CSGALNACT1: variants seen among roughly 807,000 people sequenced by gnomAD.
CSGALNACT1 encodes the protein beta4GalNAcT-1.
CSGALNACT1 carries 52 observed loss-of-function variants against 51.0 expected under a neutral mutation model. The observed-to-expected ratio is 1.02, with a 90% CI of 0.82 to 1.29. CSGALNACT1 has a LOEUF of 1.29. CSGALNACT1 is among the 50% of genes most tolerant of loss of function. The probability of loss-of-function intolerance (pLI) is 0.00; values close to 1 mark genes in which losing one functional copy is unlikely to be tolerated. For missense variants in CSGALNACT1, 935 were observed against 679.2 expected (o/e 1.38, Z -4.19); for synonymous variants, 341 against 254.4 (o/e 1.34, Z -3.24).
chr8:19,657,064 T>C (rs1444582632), intron 1 of CSGALNACT1, among the ~76,000 whole-genome samples: 2 of 93,834 alleles, frequency 2.1e-5, no homozygotes, highest in Admixed American at 1.1e-4. Context: ...CTCCATCTCA[T>C]TAAAAAAAAA....
chr8:19,700,267 G>A (rs976533353), intron 1 of CSGALNACT1, among the ~76,000 whole-genome samples: 13 of 151,836 alleles, frequency 8.6e-5, no homozygotes, highest in African/African-American at 3.1e-4. Context: ...CCTATTTCCG[G>A]GTGTGTGATC....
upstream of CSGALNACT1, among the ~76,000 whole-genome samples, chr8:19,686,123 C>T (rs577186126): frequency 5.3e-5 from 8 of 152,218 alleles, no homozygotes; most frequent in East Asian, 5.8e-4. Flanking sequence ...CAACCTTGGC[C>T]GATGGAAATG....
chr8:19,698,973 T>G (rs541262853), intron 1 of CSGALNACT1, among the ~76,000 whole-genome samples: 6 of 152,358 alleles, frequency 3.9e-5, no homozygotes, highest in Non-Finnish European at 8.8e-5. Flanking sequence ...ATCTCTAGAT[T>G]ACTCATAATA....
chr8:19,650,819 T>A (rs1332261787), intron 1 of CSGALNACT1, among the ~76,000 whole-genome samples: 1 of 152,208 alleles, frequency 6.6e-6, no homozygotes, highest in Non-Finnish European at 1.5e-5. Context: ...AGTCTTGGCT[T>A]CTTAGAAAAG....
intron 1 of CSGALNACT1, among the ~76,000 whole-genome samples, chr8:19,676,802 C>T (rs370480576): frequency 1.3e-5 from 2 of 152,294 alleles, no homozygotes; most frequent in South Asian, 2.1e-4. Flanking sequence ...TTGGAAGGAT[C>T]TTTCAGGAAG....
Position 19,566,065 on chromosome 8 carries a change from A to C in CSGALNACT1, c.-297+25095T>G, listed in dbSNP as rs61184726. Among the ~76,000 whole-genome samples, 389 of 152,374 alleles carry C rather than the reference A, an allele frequency of 2.6e-3. 2 individuals are homozygous for C. The highest frequency in any genetic ancestry group is 8.8e-3 in the African/African-American group (364 of 41,594). On this transcript the variant is annotated intron_variant, in intron 3 of 9. Coordinates refer to ENST00000454498, the Ensembl canonical transcript of CSGALNACT1. ...CTCGAAAAAGATGTATCTGTCTCCT[A>C]ATCCATAAAACCTTTTGTCTTCTAT...
intron 3 of CSGALNACT1, among the ~76,000 whole-genome samples, chr8:19,509,608 C>G (rs1376489048): frequency 1.9e-5 from 2 of 106,548 alleles, no homozygotes; most frequent in African/African-American, 7.5e-5. Context: ...GGCAACAGTG[C>G]AAGACTCTGT....
intron 3 of CSGALNACT1, among the ~76,000 whole-genome samples, chr8:19,582,086 TAGAC>T (rs758762375): frequency 1.2e-4 from 19 of 152,328 alleles, no homozygotes; most frequent in Non-Finnish European, 2.2e-4. Context: ...AATTTATAGA[TAGAC>T]AGATTATATG....
At chr8:19,527,916 T>C (rs370490827) in intron 3 of CSGALNACT1, among the ~76,000 whole-genome samples, 1 of 152,090 alleles carries the variant, frequency 6.6e-6, no homozygotes, top group African/African-American at 2.4e-5. Context: ...CACTGGCATA[T>C]TGATAGGAAT....
intron 4 of CSGALNACT1, among the ~76,000 whole-genome samples, chr8:19,494,540 C>T (rs1341177922): frequency 6.6e-6 from 1 of 152,164 alleles, no homozygotes; most frequent in African/African-American, 2.4e-5. Context: ...TAACTCTGTC[C>T]ATCTCCAGCA....
chr8:19,455,801 C>G (rs1166443548), intron 5 of CSGALNACT1, among the ~76,000 whole-genome samples: 2 of 152,232 alleles, frequency 1.3e-5, no homozygotes, highest in African/African-American at 4.8e-5. Flanking sequence ...ATCTCTGCCA[C>G]AGCGCCTGGC....
chr8:19,433,314 C>T (rs963246698), intron 6 of CSGALNACT1, among the ~76,000 whole-genome samples: 3 of 152,152 alleles, frequency 2.0e-5, no homozygotes, highest in Non-Finnish European at 4.4e-5. Context: ...TTCCACAGAG[C>T]CTGAAGGTCA....
At position 19,506,138 on chromosome 8, in the gene CSGALNACT1, G is replaced by A. The variant is rs2077284062; in HGVS notation, c.-296-8C>T. 2 of 586,446 alleles carry A rather than the reference G, an allele frequency of 3.4e-6. No individual in the cohort carries two copies. The highest frequency in any genetic ancestry group is 3.7e-5 in the African/African-American group (2 of 54,556). The allele number at this position is 586,446 out of a possible 1,614,324, so 36.3% of individuals were successfully genotyped here. A position where few individuals can be genotyped will look rare whatever the true frequency, so the allele number is the denominator to read the frequency against. ...CCAACAGCAAGAGGGGACCTGGGAA[G>A]AAACACAAATGACATCAACACTTAA... On this transcript the variant is annotated splice_region_variant and splice_polypyrimidine_tract_variant and intron_variant, in intron 3 of 9. Transcript: ENST00000454498.
At position 19,523,750 on chromosome 8, in the gene CSGALNACT1, G is replaced by A. The variant is rs541238572; in HGVS notation, c.-296-17620C>T. Reference sequence around the variant, plus strand: ...ATTATCACAGGAGACAAACCGAAGGGTCAGCTGAGATCCCTGTCCTCACCA... The same window carrying A: ...ATTATCACAGGAGACAAACCGAAGGATCAGCTGAGATCCCTGTCCTCACCA... On this transcript the variant is annotated intron_variant, in intron 3 of 9. Transcript: ENST00000454498. Among the ~76,000 whole-genome samples the A allele has an allele frequency of 3.3e-5, 5 of 152,308 alleles. No homozygotes were observed. The South Asian group carries it at 8.3e-4, about 25-fold the overall frequency.
intron 6 of CSGALNACT1, among the ~76,000 whole-genome samples, chr8:19,422,984 CCATTATACAGGGATATCTTCTAACTTT>C (rs1397582732): frequency 1.3e-5 from 2 of 152,166 alleles, no homozygotes; most frequent in Non-Finnish European, 2.9e-5. Context: ...CTCTTCCTCC[CCATTATACAGGGATATCTTCTAACTTT>C]CAGAGCACAA....
intron 1 of CSGALNACT1, among the ~76,000 whole-genome samples, chr8:19,657,343 C>G (rs780153225): frequency 5.4e-5 from 8 of 147,800 alleles, no homozygotes; most frequent in Non-Finnish European, 1.2e-4. Context: ...TCTAACAGAT[C>G]CAATCGAATT....
At chr8:19,487,555 G>A (rs2073264797) in intron 4 of CSGALNACT1, among the ~76,000 whole-genome samples, 1 of 152,134 alleles carries the variant, frequency 6.6e-6, no homozygotes, top group African/African-American at 2.4e-5. Flanking sequence ...TAAGAAAAAT[G>A]GATAAGATTC....
chr8:19,644,572 T>C (rs1170262570), intron 1 of CSGALNACT1, among the ~76,000 whole-genome samples: 3 of 151,344 alleles, frequency 2.0e-5, no homozygotes, highest in African/African-American at 4.8e-5. Flanking sequence ...TAGCTGGGCA[T>C]AGTGGCATGC....
intron 1 of CSGALNACT1, among the ~76,000 whole-genome samples, chr8:19,668,559 T>C (rs745864329): frequency 6.6e-6 from 1 of 152,198 alleles, no homozygotes; most frequent in Non-Finnish European, 1.5e-5. Context: ...CCAATCTATT[T>C]TATTTTCATT....
Sources: allele counts gnomAD v4.1 joint callset (sites outside exome capture counted in the v4.1 genomes callset), GRCh38; gene constraint gnomAD v4.1.1; transcripts MANE v1.5; gene names NCBI Gene and HGNC (gene_info 2026-07-23, HGNC 2026-07-21).